Variants in MFAP2 observed in about 807,000 individuals in gnomAD.
The protein encoded by MFAP2 is microfibril associated protein 2.
Under a neutral mutation model 30.6 loss-of-function variants are expected in MFAP2, and 23 were observed. The observed-to-expected ratio is 0.75, with a 90% CI of 0.54 to 1.07. The LOEUF is 1.07. Among genes scored for constraint, MFAP2 ranks in the 50% least tolerant of loss-of-function variants. MFAP2 has a pLI of 0.00. For missense variants in MFAP2, 198 were observed against 223.8 expected (o/e 0.88, Z 0.74); for synonymous variants, 73 against 85.7 (o/e 0.85, Z 0.82).
chr1:16,980,421 C>T (rs2076628947), intron 1 of MFAP2, among the ~76,000 whole-genome samples, 166 bp downstream of exon 1: 1 of 152,012 alleles, frequency 6.6e-6, no homozygotes, highest in African/African-American at 2.4e-5. Context: ...CCAAACTTTC[C>T]AGGTGCCCCC....
Position 16,976,006 on chromosome 1 carries a change from A to G in MFAP2, c.287-276T>C, listed in dbSNP as rs1054797453. Reference sequence around the variant, plus strand: ...TGCATCGCCACAAAAGCCCATACCAACTCCCGAGCAGACGTGCCCACGCTC... The same window carrying G: ...TGCATCGCCACAAAAGCCCATACCAGCTCCCGAGCAGACGTGCCCACGCTC... On this transcript the variant is annotated intron_variant, in intron 6 of 8. Transcript: ENST00000375535. This position sits in a 1 kb window ranked among gnomAD's most constrained non-coding sequence, Gnocchi z 5.5. Among the ~76,000 whole-genome samples the G allele has an allele frequency of 6.6e-6, 1 of 151,652 alleles. No homozygotes were observed. Among genetic ancestry groups the G allele is most frequent in the African/African-American group, 2.4e-5 (1 of 41,234 alleles).
chr1:16,977,055 C>T, intron 3 of MFAP2, 54 bp downstream of exon 3: 1 of 1,613,008 alleles, frequency 6.2e-7, no homozygotes, highest in Non-Finnish European at 8.5e-7. Flanking sequence ...CGGTCCCTGG[C>T]TGAGCCAGGC....
chr1:16,977,468 G>C, intron 2 of MFAP2: 1 of 450,966 alleles, frequency 2.2e-6, no homozygotes, highest in South Asian at 2.9e-5. Context: ...GCCTCCCTCA[G>C]AGCCTTTGCA....
At chr1:16,978,018 G>A in intron 2 of MFAP2, 1 of 510,708 alleles carries the variant, frequency 2.0e-6, no homozygotes, top group Non-Finnish European at 3.6e-6. Flanking sequence ...CTGCCTGCCT[G>A]CTGCTGTGGA....
Position 16,976,421 on chromosome 1 carries a change from C to T in MFAP2, c.286+80G>A. On this transcript the variant is annotated intron_variant, in intron 6 of 8. Transcript: ENST00000375535. The surrounding 1 kb of genome is among the most constrained non-coding windows in gnomAD (Gnocchi z 5.5). ...CACATGGGCAAGGGCCAAAGACCTCCAGCCCACCAGCACCACCCCCTACTC... is the reference window on the plus strand; with the variant it reads ...CACATGGGCAAGGGCCAAAGACCTCTAGCCCACCAGCACCACCCCCTACTC... 1 of 1,575,390 alleles carries T rather than the reference C, an allele frequency of 6.3e-7. No individual in the cohort carries two copies.
In MFAP2 at chr1:16,975,421, G is replaced by A. The variant is rs534302732; in HGVS notation, c.375-79C>T. The A allele has an allele frequency of 1.4e-5, 14 of 989,680 alleles. No individual in the cohort carries two copies. In the African/African-American group the frequency reaches 1.7e-4, roughly 12 times the overall value. The allele number at this position is 989,680 out of a possible 1,614,324, so 61.3% of individuals were successfully genotyped here. A position where few individuals can be genotyped will look rare whatever the true frequency, so the allele number is the denominator to read the frequency against. ...GGATAGCCCAGACAGAACCTGGCAC[G>A]GGAGCCCGGACAGAACCTGGCACGG... On this transcript the variant is annotated intron_variant, in intron 7 of 8. Coordinates refer to ENST00000375535, the MANE Select transcript of MFAP2 (RefSeq NM_002403.4). This position sits in a 1 kb window ranked among gnomAD's most constrained non-coding sequence, Gnocchi z 5.0.
At chr1:16,977,234 G>T (rs751044677) in intron 2 of MFAP2, 36 bp from the exon 3 acceptor site, 2 of 1,604,684 alleles carry the variant, frequency 1.2e-6, no homozygotes, top group African/African-American at 2.7e-5. Flanking sequence ...TACCCCATCG[G>T]GAGGGGCAAC....
upstream of MFAP2, among the ~76,000 whole-genome samples, chr1:16,981,508 T>A (rs2076638013): frequency 6.6e-6 from 1 of 152,096 alleles, no homozygotes; most frequent in Non-Finnish European, 1.5e-5. Context: ...CACCCGTGAA[T>A]GCTACCTGAA....
intron 1 of MFAP2, among the ~76,000 whole-genome samples, chr1:16,980,047 CA>C (rs898673762): frequency 2.6e-5 from 4 of 151,900 alleles, no homozygotes; most frequent in African/African-American, 9.7e-5. Flanking sequence ...AGGTGGGGGA[CA>C]GGGGGCCCCG....
chr1:16,975,291 A>C lies in MFAP2; in HGVS notation c.426T>G (p.Cys142Trp). The change falls in exon 8 of 9, where the codon TGT becomes TGG. Residue 142 changes from cysteine (C) to tryptophan (W), a missense_variant. Coordinates refer to ENST00000375535, the MANE Select transcript of MFAP2 (RefSeq NM_002403.4). This position sits in a 1 kb window ranked among gnomAD's most constrained non-coding sequence, Gnocchi z 5.0. ...TACCTCGGAGGAGCTCCTCATGGGC[A>C]CACACTGTACGAACACAGATCTCCT... The part of the protein sequence containing the change: ...INKEICVRTV[C>W]AHEELLRADL... 6.2e-7 allele frequency: 1 copy of C among 1,613,978 alleles called. No individual in the cohort carries two copies. Among genetic ancestry groups the C allele is most frequent in the Non-Finnish European group, 8.5e-7 (1 of 1,179,906 alleles).
intron 2 of MFAP2, 78 bp from the exon 3 acceptor site, chr1:16,977,276 CG>C (rs902043929): frequency 3.5e-5 from 50 of 1,431,212 alleles, no homozygotes; most frequent in African/African-American, 1.3e-4. Context: ...AGAGTGGAGG[CG>C]GGGGTCACAA....
chr1:16,977,412 T>C (rs779253198), intron 2 of MFAP2: 5 of 559,694 alleles, frequency 8.9e-6, no homozygotes, highest in Non-Finnish European at 1.6e-5. Context: ...CCCTGCCCCT[T>C]CCTGTTGCTG....
rs372325611 is a variant in MFAP2 at position 16,975,271 on chromosome 1, C to G, written c.446G>C (p.Arg149Pro). 3.4e-5 allele frequency: 55 copies of G among 1,613,280 alleles called. No homozygotes were observed. The Middle Eastern group carries it at 5.0e-4, about 15-fold the overall frequency. Reference protein sequence around the residue: ...RTVCAHEELLRADLCRDKFSK... With the variant: ...RTVCAHEELLPADLCRDKFSK... Reference sequence around the variant, plus strand: ...TCTTGGGGAGGTGGCCTTCCTACCTCGGAGGAGCTCCTCATGGGCACACAC... The same window carrying G: ...TCTTGGGGAGGTGGCCTTCCTACCTGGGAGGAGCTCCTCATGGGCACACAC... Residue 149 changes from arginine to proline, a missense_variant and splice_region_variant, in exon 8 of 9, where the codon CGA (arginine) becomes CCA (proline). By Grantham distance (103) the Arg-to-Pro change is moderately radical (BLOSUM62 -2). Transcript: ENST00000375535. The surrounding 1 kb of genome is among the most constrained non-coding windows in gnomAD (Gnocchi z 5.0).
chr1:16,975,850 C>T lies in MFAP2; in HGVS notation c.287-120G>A. ...GTACCTTCAGGCCCCGTGCAGACAC[C>T]CATACCTACACATGCCCACATAGAC... On this transcript the variant is annotated intron_variant, in intron 6 of 8. Coordinates refer to ENST00000375535, the MANE Select transcript of MFAP2 (RefSeq NM_002403.4). This position sits in a 1 kb window ranked among gnomAD's most constrained non-coding sequence, Gnocchi z 5.0. The T allele has an allele frequency of 1.3e-6, 1 of 751,444 alleles. No individual in the cohort carries two copies. The allele number at this position is 751,444 out of a possible 1,614,324, so 46.5% of individuals were successfully genotyped here.
rs189266865 is a variant in MFAP2, at chr1:16,980,096, C to G, written c.-42+491G>C. ...ACATCAGACGGAGGGAGGGCTCTGC[C>G]GGCTCCAGAGCCGGGCTCAGGGGGA... On this transcript the variant is annotated intron_variant, in intron 1 of 8. Transcript: ENST00000375535. 2.6e-5 allele frequency among the ~76,000 whole-genome samples: 4 copies of G among 152,066 alleles called. No homozygotes were observed. The East Asian group carries it at 7.8e-4, about 30-fold the overall frequency.
Position 16,976,774 on chromosome 1 carries a change from C to T in MFAP2, c.175G>A (p.Glu59Lys), listed in dbSNP as rs1247590840. The change falls in exon 5 of 9, where the codon GAG becomes AAG. Residue 59 changes from glutamate to lysine, a missense_variant. Physicochemically the swap from Glu to Lys is moderately conservative, Grantham distance 56. Coordinates refer to ENST00000375535, the MANE Select transcript of MFAP2 (RefSeq NM_002403.4). The surrounding 1 kb of genome is among the most constrained non-coding windows in gnomAD (Gnocchi z 5.5). The part of the protein sequence containing the change: ...DYQEVTPRPS[E>K]EQFQFQSQQQ... ...TGGGACTGGAACTGGAACTGTTCCT[C>T]GGAGGGCCGAGGAGTCACCTCTGCA... The T allele has an allele frequency of 6.8e-6, 11 of 1,613,892 alleles. No individual in the cohort carries two copies. Among genetic ancestry groups the T allele is most frequent in the Non-Finnish European group, 8.5e-6 (10 of 1,179,930 alleles).
intron 1 of MFAP2, among the ~76,000 whole-genome samples, chr1:16,978,741 C>T (rs2076613375): frequency 6.6e-6 from 1 of 152,202 alleles, no homozygotes. Flanking sequence ...ATCCTTGGGA[C>T]CCCAGCCCTG....
At position 16,978,291 on chromosome 1, in the gene MFAP2, C is replaced by T. The variant is rs760778684; in HGVS notation, c.-18G>A. 27 of 1,572,310 alleles carry T rather than the reference C, an allele frequency of 1.7e-5. No homozygotes were observed. The highest frequency in any genetic ancestry group is 7.6e-5 in the Admixed American group (4 of 52,616). ...GCTCTCATGGCAACAAAGAGGCAGGCCGGGGTGGTGTCAGAGAGGACAGCT... is the reference window on the plus strand; with the variant it reads ...GCTCTCATGGCAACAAAGAGGCAGGTCGGGGTGGTGTCAGAGAGGACAGCT... On this transcript the variant is annotated 5_prime_UTR_variant, in exon 2 of 9. Transcript: ENST00000375535.
rs74058356 is a variant in MFAP2, at chr1:16,975,916, C to T, written c.287-186G>A. Among the ~76,000 whole-genome samples, 6,031 of 152,148 alleles carry T rather than the reference C, an allele frequency of 0.04. 411 individuals carry two copies. The highest frequency in any genetic ancestry group is 0.14 in the African/African-American group (5,636 of 41,440). ...AGACTTCCCAGGGCTGTAATATTCA[C>T]GTATCAATTCACAACCGCACTTACT... On this transcript the variant is annotated intron_variant, in intron 6 of 8. Coordinates refer to ENST00000375535, the MANE Select transcript of MFAP2 (RefSeq NM_002403.4). The surrounding 1 kb of genome is among the most constrained non-coding windows in gnomAD (Gnocchi z 5.0).
Sources: allele counts gnomAD v4.1 joint callset (sites outside exome capture counted in the v4.1 genomes callset), GRCh38; gene constraint gnomAD v4.1.1; non-coding constraint Gnocchi (gnomAD v3.1); transcripts MANE v1.5; gene names NCBI Gene and HGNC (gene_info 2026-07-23, HGNC 2026-07-21).